Variants in SUMO2 observed in about 807,000 individuals in gnomAD.
SUMO2 encodes small ubiquitin-related modifier 2.
A neutral mutation model predicts 16.0 loss-of-function variants in SUMO2; 1 was observed. The ratio of observed to expected loss-of-function variants is 0.06; its 90% confidence interval spans 0.02 to 0.30. The LOEUF (loss-of-function observed/expected upper bound fraction) is 0.30. Ranked by LOEUF, SUMO2 falls within the 10% of genes least tolerant of loss-of-function variation. SUMO2 has a pLI of 1.00. For synonymous variants in SUMO2, 36 were observed against 40.6 expected (o/e 0.89, Z 0.43); for missense variants, 16 against 117.5 (o/e 0.14, Z 3.99).
intron 3 of SUMO2, among the ~76,000 whole-genome samples, chr17:75,171,069 TAA>T (rs1555654517): frequency 3.6e-4 from 51 of 141,370 alleles, no homozygotes; most frequent in Non-Finnish European, 3.4e-4. Flanking sequence ...AAGGGGCAGT[TAA>T]AAAAAAAAAA....
chr17:75,169,782 G>C (rs1279849514), intron 3 of SUMO2, among the ~76,000 whole-genome samples: 1 of 148,140 alleles, frequency 6.8e-6, no homozygotes, highest in Non-Finnish European at 1.5e-5. Flanking sequence ...CCAGGAAGCA[G>C]AGGTTGTGGT....
At chr17:75,173,677 A>G (rs149592185) in intron 3 of SUMO2, among the ~76,000 whole-genome samples, 2 of 151,954 alleles carry the variant, frequency 1.3e-5, no homozygotes, top group Non-Finnish European at 2.9e-5. Context: ...GGGTTTTGCC[A>G]TGTTGCCCAG....
At chr17:75,180,559 A>C (rs1382504233) in intron 2 of SUMO2, among the ~76,000 whole-genome samples, 1 of 134,868 alleles carries the variant, frequency 7.4e-6, no homozygotes, top group Non-Finnish European at 1.7e-5. Context: ...CTAAAAATAC[A>C]AAAAAAAAAT....
chr17:75,176,047 AT>A (rs909867572), intron 2 of SUMO2, among the ~76,000 whole-genome samples: 37 of 143,642 alleles, frequency 2.6e-4, no homozygotes, highest in East Asian at 4.3e-4. Flanking sequence ...AGGAAATGAA[AT>A]TTTTTTTTTT....
intron 2 of SUMO2, among the ~76,000 whole-genome samples, chr17:75,175,731 C>T (rs2074777372): frequency 6.6e-6 from 1 of 151,106 alleles, no homozygotes; most frequent in Non-Finnish European, 1.5e-5. Flanking sequence ...CTCCTGGGTT[C>T]GAGTGGTTCT....
intron 2 of SUMO2, among the ~76,000 whole-genome samples, chr17:75,175,244 A>C (rs1426228779): frequency 2.6e-5 from 4 of 151,856 alleles, no homozygotes; most frequent in African/African-American, 9.7e-5. Context: ...CAGCCTCCCA[A>C]AGTGCTGGGA....
intron 2 of SUMO2, among the ~76,000 whole-genome samples, chr17:75,179,371 T>C (rs1172221055): frequency 6.6e-6 from 1 of 151,830 alleles, no homozygotes; most frequent in Non-Finnish European, 1.5e-5. Flanking sequence ...TTGCTGACAA[T>C]ACAAAAATTA....
At position 75,182,869 on chromosome 17, in the gene SUMO2, C is replaced by A; in HGVS notation, c.-35G>T. 1 of 1,382,364 alleles carries A rather than the reference C, an allele frequency of 7.2e-7. No homozygotes were observed. Among genetic ancestry groups the A allele is most frequent in the South Asian group, 1.8e-5 (1 of 55,866 alleles). 85.6% of individuals were successfully genotyped at this position (1,382,364 alleles called of 1,614,324 possible). On this transcript the variant is annotated 5_prime_UTR_variant, in exon 1 of 4. Transcript: ENST00000420826. The stretch of plus-strand genomic sequence containing the variant: ...CGGAGTCTCCTCAGCTGCCGCTTCA[C>A]AAAAGAGGTACCAGGTCCGCACCAA...
chr17:75,174,339 C>G (rs2074765262), intron 3 of SUMO2, among the ~76,000 whole-genome samples: 1 of 152,066 alleles, frequency 6.6e-6, no homozygotes, highest in Admixed American at 6.6e-5. Flanking sequence ...TGCCATGACC[C>G]AAGATCGTGA....
chr17:75,179,389 G>A (rs550880761), intron 2 of SUMO2, among the ~76,000 whole-genome samples: 23 of 152,006 alleles, frequency 1.5e-4, no homozygotes, highest in Non-Finnish European at 2.9e-4. Flanking sequence ...TTAGCTGGGC[G>A]TGGTGGCGTG....
intron 2 of SUMO2, among the ~76,000 whole-genome samples, chr17:75,175,435 C>T (rs1012604272): frequency 8.6e-5 from 13 of 151,922 alleles, no homozygotes; most frequent in African/African-American, 2.7e-4. Context: ...ATTTTCCTGC[C>T]TCAGCCTCCT....
At chr17:75,171,829 G>A (rs2074741280) in intron 3 of SUMO2, among the ~76,000 whole-genome samples, 2 of 151,976 alleles carry the variant, frequency 1.3e-5, no homozygotes, top group South Asian at 4.1e-4. Context: ...CAGCACAATA[G>A]ATACTTTTTA....
chr17:75,182,855 C>A lies in SUMO2; in HGVS notation c.-21G>T, dbSNP rs1373837543. 2 of 1,400,206 alleles carry A rather than the reference C, an allele frequency of 1.4e-6. No homozygotes were observed. The highest frequency in any genetic ancestry group is 2.7e-4 in the Middle Eastern group (1 of 3,682). 86.7% of individuals were successfully genotyped at this position (1,400,206 alleles called of 1,614,324 possible). Reference sequence around the variant, plus strand: ...GCCATGGCGAGCGCCGGAGTCTCCTCAGCTGCCGCTTCACAAAAGAGGTAC... The same window carrying A: ...GCCATGGCGAGCGCCGGAGTCTCCTAAGCTGCCGCTTCACAAAAGAGGTAC... On this transcript the variant is annotated 5_prime_UTR_variant, in exon 1 of 4. Coordinates refer to ENST00000420826, the MANE Select transcript of SUMO2 (RefSeq NM_006937.4).
At chr17:75,178,005 A>AAAAAAAAAAAAAAC (rs2074797141) in intron 2 of SUMO2, among the ~76,000 whole-genome samples, 1 of 147,982 alleles carries the variant, frequency 6.8e-6, no homozygotes, top group African/African-American at 2.5e-5. Flanking sequence ...AAAAAAAAAA[A>AAAAAAAAAAAAAAC]AAAAAAGAAT....
intron 3 of SUMO2, among the ~76,000 whole-genome samples, chr17:75,173,970 TCTC>T (rs1203662062): frequency 3.3e-5 from 5 of 152,176 alleles, no homozygotes; most frequent in Non-Finnish European, 5.9e-5. Flanking sequence ...ATCTGGAAAA[TCTC>T]CTATTATCAG....
At position 75,168,234 on chromosome 17, in the gene SUMO2, G is replaced by T. The variant is rs951919361; in HGVS notation, c.*105C>A. On this transcript the variant is annotated 3_prime_UTR_variant, in exon 4 of 4. Transcript: ENST00000420826. ...AATGAAAGAATAGAGAAAACTATAC[G>T]GTAGTAGTCAGGATGTGGTGGAACC... is the stretch of plus-strand genomic sequence containing the variant. The T allele has an allele frequency of 1.3e-6, 1 of 793,042 alleles. No individual in the cohort carries two copies. Among genetic ancestry groups the T allele is most frequent in the African/African-American group, 1.8e-5 (1 of 56,014 alleles). 49.1% of individuals were successfully genotyped at this position (793,042 alleles called of 1,614,324 possible). A position where few individuals can be genotyped will look rare whatever the true frequency, so the allele number is the denominator to read the frequency against.
chr17:75,172,483 C>T (rs528708753), intron 3 of SUMO2, among the ~76,000 whole-genome samples: 2 of 147,386 alleles, frequency 1.4e-5, no homozygotes, highest in African/African-American at 5.2e-5. Flanking sequence ...TCATGCCTGG[C>T]TAAATTTTTT....
intron 2 of SUMO2, among the ~76,000 whole-genome samples, chr17:75,178,295 C>T (rs533513770): frequency 1.6e-4 from 25 of 152,044 alleles, no homozygotes; most frequent in Non-Finnish European, 2.9e-4. Context: ...GCAGGCGGAT[C>T]ACGAGGTCAA....
At chr17:75,176,669 T>C (rs1047606991) in intron 2 of SUMO2, among the ~76,000 whole-genome samples, 2 of 152,018 alleles carry the variant, frequency 1.3e-5, no homozygotes, top group Non-Finnish European at 2.9e-5. Flanking sequence ...CCTACACCCT[T>C]GAACTTCCTG....
Sources: allele counts gnomAD v4.1 joint callset (sites outside exome capture counted in the v4.1 genomes callset), GRCh38; gene constraint gnomAD v4.1.1; transcripts MANE v1.5; gene names NCBI Gene and HGNC (gene_info 2026-07-23, HGNC 2026-07-21).